The following RGS7 variants were observed in gnomAD, a reference collection of about 807,000 sequenced individuals.
RGS7 encodes the protein regulator of G-protein signaling 7.
In RGS7, 27 loss-of-function variants were observed where a neutral mutation model predicts 81.1. That is an observed-to-expected ratio of 0.33 (90% CI 0.25 to 0.46). The LOEUF (loss-of-function observed/expected upper bound fraction) is 0.46. RGS7 is among the 20% of genes least tolerant of loss of function. RGS7 has a pLI of 1.00. For synonymous variants in RGS7, 208 were observed against 207.7 expected, an observed-to-expected ratio of 1.00 and a Z score of -0.01; for missense variants, 396 against 607.4, an observed-to-expected ratio of 0.65 and a Z score of 3.66.
At chr1:240,784,013 T>TAAAAAA (rs71172645) in intron 18 of RGS7, among the ~76,000 whole-genome samples, 5 of 83,380 alleles carry the variant, frequency 6.0e-5, no homozygotes, top group African/African-American at 2.6e-4. Context: ...CTGTCTCTAC[T>TAAAAAA]AAAAAAAAAA....
intron 2 of RGS7, among the ~76,000 whole-genome samples, chr1:241,327,165 AAC>A (rs145883576): frequency 0.048 from 6,085 of 127,618 alleles, 554 homozygotes; most frequent in Non-Finnish European, 0.067. Context: ...GAAAGAAAGA[AAC>A]ACACAGACTA....
intron 2 of RGS7, among the ~76,000 whole-genome samples, chr1:241,282,557 C>A (rs1212767114): frequency 1.3e-5 from 2 of 152,264 alleles, no homozygotes; most frequent in East Asian, 1.9e-4. Flanking sequence ...AATGTCCTTT[C>A]TTTTTCTTAT....
chr1:241,097,494 C>A (rs1444323789), intron 3 of RGS7, among the ~76,000 whole-genome samples: 1 of 152,134 alleles, frequency 6.6e-6, no homozygotes, highest in Non-Finnish European at 1.5e-5. Context: ...CTACCCTCTT[C>A]CTAGGCTTGA....
chr1:241,306,814 C>T (rs977736162), intron 2 of RGS7, among the ~76,000 whole-genome samples: 1 of 152,128 alleles, frequency 6.6e-6, no homozygotes, highest in African/African-American at 2.4e-5. Context: ...CCTGTGTGCA[C>T]ACACATACAC....
At chr1:240,788,452 GT>G (rs1038740911) in intron 18 of RGS7, among the ~76,000 whole-genome samples, 5 of 152,226 alleles carry the variant, frequency 3.3e-5, no homozygotes, top group Non-Finnish European at 4.4e-5. Flanking sequence ...ATCTAGGGCA[GT>G]GGTTTTCAAA....
intron 2 of RGS7, among the ~76,000 whole-genome samples, chr1:241,337,360 T>A (rs11804775): frequency 0.038 from 5,803 of 152,150 alleles, 387 homozygotes; most frequent in African/African-American, 0.13. Flanking sequence ...ATGGACAGTG[T>A]GTTCTACCAG....
At chr1:241,198,901 T>C (rs1271436613) in intron 2 of RGS7, among the ~76,000 whole-genome samples, 1 of 152,154 alleles carries the variant, frequency 6.6e-6, no homozygotes, top group South Asian at 2.1e-4. Context: ...ACACCAATCA[T>C]TGTCATAAAC....
At position 240,983,128 on chromosome 1, in the gene RGS7, A is replaced by C; in HGVS notation, c.177T>G (p.Gly59=). 2 of 1,499,350 alleles carry C rather than the reference A, an allele frequency of 1.3e-6. No homozygotes were observed. Among genetic ancestry groups the C allele is most frequent in the Non-Finnish European group, 1.8e-6 (2 of 1,089,032 alleles). The allele number at this position is 1,499,350 out of a possible 1,614,324, so 92.9% of individuals were successfully genotyped here. Residue 59 remains glycine (G), a splice_region_variant and synonymous_variant, in exon 4 of 19, where the codon GGT becomes GGG. Transcript: ENST00000440928. The part of the protein sequence containing the change: ...FLSKIPSVFS[G]SDIVQWLIKN... ...TTATCAACCATTGAACAATGTCTGA[A>C]CCTAGAAAAAGAAAAAAGAAAAACA...
chr1:240,796,033 C>T lies in RGS7; in HGVS notation c.*6+4608G>A, dbSNP rs533837610. 3.3e-3 allele frequency among the ~76,000 whole-genome samples: 505 copies of T among 152,188 alleles called. 2 individuals carry two copies. The highest frequency in any genetic ancestry group is 0.011 in the African/African-American group (439 of 41,530). The stretch of plus-strand genomic sequence containing the variant: ...AACTCTTGGCCTAGAGCCACGTTCC[C>T]GCCTCAGCCCCACAAAGTGCTGAGA... On this transcript the variant is annotated intron_variant, in intron 18 of 18. Transcript: ENST00000440928.
intron 2 of RGS7, among the ~76,000 whole-genome samples, chr1:241,238,966 C>CTCTTT (rs397786851): frequency 1.7e-3 from 183 of 106,612 alleles, no homozygotes; most frequent in African/African-American, 1.8e-3. Context: ...GCCTCTCTCT[C>CTCTTT]TTTTTTTTTT....
chr1:241,117,548 T>C (rs1027313339), intron 2 of RGS7, among the ~76,000 whole-genome samples: 1 of 152,180 alleles, frequency 6.6e-6, no homozygotes, highest in African/African-American at 2.4e-5. Flanking sequence ...ATTTGTGCTT[T>C]GAACACTGAG....
chr1:241,064,966 G>A (rs973820119), intron 3 of RGS7, among the ~76,000 whole-genome samples: 1 of 151,986 alleles, frequency 6.6e-6, no homozygotes, highest in Non-Finnish European at 1.5e-5. Flanking sequence ...CTTCTTTTAA[G>A]TGTAGCACAT....
chr1:241,114,651 T>G (rs1321378343), intron 2 of RGS7, among the ~76,000 whole-genome samples: 2 of 152,244 alleles, frequency 1.3e-5, no homozygotes, highest in Non-Finnish European at 2.9e-5. Flanking sequence ...GCTGATTTGT[T>G]GAACAACTTT....
At chr1:240,946,635 T>G (rs2148418323) in intron 4 of RGS7, among the ~76,000 whole-genome samples, 1 of 152,146 alleles carries the variant, frequency 6.6e-6, no homozygotes, top group South Asian at 2.1e-4. Context: ...TAAAATCAAT[T>G]AGCCTCCAAG....
intron 18 of RGS7, among the ~76,000 whole-genome samples, chr1:240,793,611 A>ATATATATATT: frequency 2.5e-5 from 2 of 78,868 alleles, no homozygotes; most frequent in African/African-American, 9.7e-5. Context: ...ATATATATAT[A>ATATATATATT]TTTTTTTTTT....
At chr1:240,873,095 AAAAC>A (rs1229277007) in intron 6 of RGS7, among the ~76,000 whole-genome samples, 3 of 152,032 alleles carry the variant, frequency 2.0e-5, no homozygotes, top group African/African-American at 4.8e-5. Flanking sequence ...AACAAAAACA[AAAAC>A]AAACAAACAA....
At chr1:241,216,131 G>A (rs906586240) in intron 2 of RGS7, among the ~76,000 whole-genome samples, 2 of 152,100 alleles carry the variant, frequency 1.3e-5, no homozygotes, top group African/African-American at 2.4e-5. Flanking sequence ...ACGTAGCCGG[G>A]CGTGGTGGCA....
rs1553407918 is a variant in RGS7 at position 241,068,257 on chromosome 1, TAA to T, written c.175+30407_175+30408del. ...GTGTGTGTATATATATATATATATA[TAA>T]AATATTGTGTATATATAATATTACG... On this transcript the variant is annotated intron_variant, in intron 3 of 18. Coordinates refer to ENST00000440928, the MANE Select transcript of RGS7 (RefSeq NM_001364886.1). 1.1e-3 allele frequency among the ~76,000 whole-genome samples: 78 copies of T among 73,278 alleles called. 11 individuals are homozygous for T. In the East Asian group the frequency reaches 0.049, roughly 46 times the overall value. 48.1% of individuals were successfully genotyped at this position (73,278 alleles called of 152,430 possible). A position where few individuals can be genotyped will look rare whatever the true frequency, so the allele number is the denominator to read the frequency against.
intron 9 of RGS7, among the ~76,000 whole-genome samples, chr1:240,849,271 T>C (rs933986405): frequency 6.6e-6 from 1 of 152,058 alleles, no homozygotes; most frequent in African/African-American, 2.4e-5. Context: ...TTACTCATCC[T>C]AATGGCTTTC....
Sources: gnomAD v4.1 joint callset for allele counts (sites outside exome capture counted in the v4.1 genomes callset) on GRCh38, gnomAD v4.1.1 for gene constraint, MANE v1.5 for transcripts, NCBI Gene and HGNC (gene_info 2026-07-23, HGNC 2026-07-21) for gene names.